Variants in CDK5RAP1 observed in about 807,000 individuals in gnomAD.
CDK5RAP1 encodes the protein CDK5RAP1 mitochondrial tRNA methylthiotransferase.
CDK5RAP1 carries 62 observed loss-of-function variants against 64.5 expected under a neutral mutation model. The ratio of observed to expected loss-of-function variants is 0.96; its 90% confidence interval spans 0.78 to 1.19. CDK5RAP1 has a LOEUF of 1.19. CDK5RAP1 is among the 50% of genes most tolerant of loss of function. CDK5RAP1 has a pLI of 0.00. For synonymous variants in CDK5RAP1, 250 were observed against 261.9 expected, an observed-to-expected ratio of 0.95 and a Z score of 0.44; for missense variants, 657 against 735.0, an observed-to-expected ratio of 0.89 and a Z score of 1.23.
intron 12 of CDK5RAP1, among the ~76,000 whole-genome samples, chr20:33,364,189 T>C (rs1327379357): frequency 2.1e-5 from 1 of 47,966 alleles, no homozygotes; most frequent in East Asian, 3.1e-4. Flanking sequence ...AAGAAATAGC[T>C]TTTTTTTTTT....
Position 33,395,041 on chromosome 20 carries a change from C to G in CDK5RAP1, c.380G>C (p.Gly127Ala). 1 of 1,611,232 alleles carries G rather than the reference C, an allele frequency of 6.2e-7. No homozygotes were observed. The highest frequency in any genetic ancestry group is 1.1e-5 in the South Asian group (1 of 91,008). Residue 127 changes from glycine to alanine, a missense_variant, in exon 3 of 14, where the codon GGC becomes GCC. By Grantham distance (60) the Gly-to-Ala change is moderately conservative. Coordinates refer to ENST00000346416, the MANE Select transcript of CDK5RAP1 (RefSeq NM_016408.4). ...TTGGAGGTTACTGGTCCGCAGGTAG[C>G]CACTCTTCTGTAAGATGGACCAGGC... ...EIAWSILQKS[G>A]YLRTSNLQEA...
intron 5 of CDK5RAP1, 71 bp downstream of exon 5, chr20:33,392,071 G>C (rs896512065): frequency 9.7e-6 from 9 of 932,300 alleles, no homozygotes; most frequent in Non-Finnish European, 1.5e-5. Flanking sequence ...GCCTCTAAAG[G>C]AAACACTAGC....
In CDK5RAP1 at chr20:33,387,539, A is replaced by AG; in HGVS notation, c.545-7dup. The AG allele has an allele frequency of 6.2e-7, 1 of 1,612,436 alleles. No individual in the cohort carries two copies. The highest frequency in any genetic ancestry group is 8.5e-7 in the Non-Finnish European group (1 of 1,178,594). ...CAACCTCTCAGCCATGCAGCCTGGA[A>AG]GGGAAAAAGAAACAAGCACCTTTCC... On this transcript the variant is annotated splice_region_variant and splice_polypyrimidine_tract_variant and intron_variant, in intron 5 of 13. Coordinates refer to ENST00000346416, the MANE Select transcript of CDK5RAP1 (RefSeq NM_016408.4).
intron 5 of CDK5RAP1, 146 bp downstream of exon 5, chr20:33,391,996 A>G (rs1049229602): frequency 2.3e-5 from 14 of 614,890 alleles, no homozygotes; most frequent in Non-Finnish European, 4.1e-5. Context: ...TAATCCTGTC[A>G]CCTCTGGCAG....
chr20:33,382,618 T>C (rs112154860), intron 7 of CDK5RAP1, among the ~76,000 whole-genome samples: 3 of 151,928 alleles, frequency 2.0e-5, no homozygotes, highest in Non-Finnish European at 4.4e-5. Flanking sequence ...GAGGTGGAGG[T>C]TGCAGTGAGC....
In CDK5RAP1 at chr20:33,387,633, G is replaced by C. The variant is rs1442385931; in HGVS notation, c.545-100C>G. On this transcript the variant is annotated intron_variant, in intron 5 of 13. Transcript: ENST00000346416. ...ATCTGTAGCTGGGATTAGAGACCAG[G>C]GCACAGAAAACTTCTCTAAGAATTG... The C allele has an allele frequency of 4.3e-6, 4 of 936,198 alleles. No homozygotes were observed. In the African/African-American group the frequency reaches 6.6e-5, roughly 15 times the overall value. The allele number at this position is 936,198 out of a possible 1,614,324, so 58.0% of individuals were successfully genotyped here.
intron 6 of CDK5RAP1, 81 bp from the exon 7 acceptor site, chr20:33,385,851 G>T: frequency 7.5e-7 from 1 of 1,340,720 alleles, no homozygotes; most frequent in Non-Finnish European, 1.0e-6. Context: ...AGCTTCAATA[G>T]CATTATTCTT....
At position 33,379,557 on chromosome 20, in the gene CDK5RAP1, T is replaced by C; in HGVS notation, c.1011A>G (p.Gly337=). The C allele has an allele frequency of 1.2e-6, 2 of 1,614,028 alleles. No homozygotes were observed. Among genetic ancestry groups the C allele is most frequent in the Non-Finnish European group, 1.7e-6 (2 of 1,179,944 alleles). ...FTTNYKTKQG[G]LRFAHLLDQV... ...GATCCAGAAGATGAGCAAAACGAAG[T>C]CCTCCTTGCTTGGTTTTATAGTTGG... The change falls in exon 8 of 14, where the codon GGA becomes GGG. Residue 337 remains glycine, a synonymous_variant. Coordinates refer to ENST00000346416, the MANE Select transcript of CDK5RAP1 (RefSeq NM_016408.4).
intron 8 of CDK5RAP1, among the ~76,000 whole-genome samples, chr20:33,375,906 C>T (rs896527598): frequency 3.3e-5 from 5 of 152,128 alleles, no homozygotes; most frequent in Non-Finnish European, 5.9e-5. Context: ...CTATCACCCT[C>T]GCTAGAGTGC....
intron 10 of CDK5RAP1, among the ~76,000 whole-genome samples, chr20:33,371,024 T>C (rs531582908): frequency 3.3e-5 from 5 of 152,330 alleles, no homozygotes; most frequent in African/African-American, 1.2e-4. Flanking sequence ...TTGCATGCGG[T>C]AGCTCACCCC....
At chr20:33,369,408 G>A (rs868109760) in intron 11 of CDK5RAP1, among the ~76,000 whole-genome samples, 5 of 151,968 alleles carry the variant, frequency 3.3e-5, no homozygotes, top group East Asian at 1.9e-4. Flanking sequence ...GCATGAACCC[G>A]GGAGGCAGAG....
intron 8 of CDK5RAP1, among the ~76,000 whole-genome samples, chr20:33,375,555 G>A (rs1460263858): frequency 6.6e-6 from 1 of 152,082 alleles, no homozygotes; most frequent in Non-Finnish European, 1.5e-5. Context: ...AGACAATCCA[G>A]AGGAAAAAAG....
At chr20:33,388,865 G>A (rs1285101504) in intron 5 of CDK5RAP1, among the ~76,000 whole-genome samples, 3 of 152,160 alleles carry the variant, frequency 2.0e-5, no homozygotes, top group African/African-American at 4.8e-5. Context: ...AACCGGGAGT[G>A]ATCTGCCAGC....
chr20:33,385,086 A>G (rs1392199784), intron 7 of CDK5RAP1, among the ~76,000 whole-genome samples: 2 of 152,114 alleles, frequency 1.3e-5, no homozygotes, highest in East Asian at 3.9e-4. Flanking sequence ...AGACCTCCTC[A>G]AAAGCTGAGG....
At chr20:33,395,374 G>A (rs772736349) in intron 2 of CDK5RAP1, among the ~76,000 whole-genome samples, 11 of 152,158 alleles carry the variant, frequency 7.2e-5, no homozygotes, top group Non-Finnish European at 1.6e-4. Context: ...TTGGGAGACT[G>A]AGACAGGAGG....
chr20:33,382,549 C>CGCCA (rs1348008842), intron 7 of CDK5RAP1, among the ~76,000 whole-genome samples: 1 of 152,008 alleles, frequency 6.6e-6, no homozygotes, highest in Non-Finnish European at 1.5e-5. Context: ...AGTATGGTGG[C>CGCCA]GCATGCCTGT....
intron 12 of CDK5RAP1, 96 bp downstream of exon 12, chr20:33,366,763 T>G (rs932636310): frequency 8.5e-7 from 1 of 1,182,250 alleles, no homozygotes; most frequent in East Asian, 2.5e-5. Flanking sequence ...GCCCAGCAGT[T>G]TGAGTCCAGC....
intron 7 of CDK5RAP1, among the ~76,000 whole-genome samples, chr20:33,382,506 C>G (rs907458881): frequency 5.9e-5 from 9 of 151,860 alleles, no homozygotes; most frequent in African/African-American, 2.2e-4. Context: ...CATGGTGAAA[C>G]CCCGTCTCTA....
chr20:33,359,443 GCTGAT>G, intron 13 of CDK5RAP1: 1 of 271,262 alleles, frequency 3.7e-6, no homozygotes, highest in Non-Finnish European at 7.0e-6. Flanking sequence ...TAACTCCAAG[GCTGAT>G]CCAGTCAAAT....
Sources: allele counts gnomAD v4.1 joint callset (sites outside exome capture counted in the v4.1 genomes callset), GRCh38; gene constraint gnomAD v4.1.1; transcripts MANE v1.5; gene names NCBI Gene and HGNC (gene_info 2026-07-23, HGNC 2026-07-21).